The following RAP2A variants were observed in gnomAD, a reference collection of about 807,000 sequenced individuals.
RAP2A encodes the protein ras-related protein Rap-2a.
Under a neutral mutation model 15.1 loss-of-function variants are expected in RAP2A, and 5 were observed. The observed-to-expected ratio is 0.33, with a 90% CI of 0.17 to 0.70. The LOEUF (loss-of-function observed/expected upper bound fraction) is 0.70. RAP2A is among the 30% of genes least tolerant of loss of function. The pLI is 0.68. For missense variants in RAP2A, 111 were observed against 240.3 expected (o/e 0.46, Z 3.56); for synonymous variants, 110 against 99.7 (o/e 1.10, Z -0.62).
At chr13:97,447,128 C>T (rs2066683120) in intron 1 of RAP2A, among the ~76,000 whole-genome samples, 1 of 152,086 alleles carries the variant, frequency 6.6e-6, no homozygotes, top group Non-Finnish European at 1.5e-5. Flanking sequence ...AAAATAACAG[C>T]AAATTTATGG....
chr13:97,451,751 T>A (rs767902577), intron 1 of RAP2A, among the ~76,000 whole-genome samples: 2 of 149,244 alleles, frequency 1.3e-5, no homozygotes, highest in African/African-American at 2.5e-5. Flanking sequence ...TTCAAAGTAG[T>A]TGTAAACAGC....
intron 1 of RAP2A, among the ~76,000 whole-genome samples, chr13:97,452,926 A>G (rs1307401151): frequency 6.6e-6 from 1 of 150,960 alleles, no homozygotes; most frequent in East Asian, 1.9e-4. Flanking sequence ...TTTTAAATGG[A>G]TTTTCTAATT....
chr13:97,442,452 T>C (rs2066662120), intron 1 of RAP2A, among the ~76,000 whole-genome samples: 1 of 152,240 alleles, frequency 6.6e-6, no homozygotes, highest in African/African-American at 2.4e-5. Context: ...ACTATCTCTA[T>C]TTTTATAGAT....
intron 1 of RAP2A, 117 bp downstream of exon 1, chr13:97,434,901 A>G: frequency 1.4e-6 from 2 of 1,387,006 alleles, no homozygotes; most frequent in Non-Finnish European, 1.9e-6. Flanking sequence ...TCCAAGCTGG[A>G]GGCTTTACTA....
chr13:97,458,302 A>G (rs552306133), intron 1 of RAP2A, among the ~76,000 whole-genome samples: 2 of 152,338 alleles, frequency 1.3e-5, no homozygotes, highest in South Asian at 4.1e-4. Flanking sequence ...AGATACCAGC[A>G]TGTTAAAATT....
intron 1 of RAP2A, among the ~76,000 whole-genome samples, chr13:97,450,570 T>C (rs2153179742): frequency 6.6e-6 from 1 of 152,240 alleles, no homozygotes; most frequent in African/African-American, 2.4e-5. Flanking sequence ...TTTATTAAAA[T>C]GTACACTCTA....
intron 1 of RAP2A, among the ~76,000 whole-genome samples, chr13:97,436,898 A>G (rs1430796509): frequency 6.6e-6 from 1 of 152,202 alleles, no homozygotes; most frequent in Non-Finnish European, 1.5e-5. Context: ...ATATGGTAGT[A>G]GTAAGGTATT....
chr13:97,461,680 C>T (rs9300413), intron 1 of RAP2A, among the ~76,000 whole-genome samples: 6,289 of 152,126 alleles, frequency 0.041, 204 homozygotes, highest in African/African-American at 0.087. Context: ...AAACATGATA[C>T]AGGCTGGGTG....
intron 1 of RAP2A, among the ~76,000 whole-genome samples, chr13:97,440,385 T>C (rs1161745999): frequency 6.6e-6 from 1 of 152,056 alleles, no homozygotes; most frequent in East Asian, 1.9e-4. Context: ...GGACTGATGG[T>C]GAAACCTCTA....
intron 1 of RAP2A, among the ~76,000 whole-genome samples, chr13:97,455,995 C>G (rs776648312): frequency 5.3e-5 from 8 of 151,426 alleles, no homozygotes; most frequent in Non-Finnish European, 1.2e-4. Context: ...CTCCCACTCT[C>G]TTCGGGACTG....
chr13:97,444,775 T>A (rs746621570), intron 1 of RAP2A, among the ~76,000 whole-genome samples: 1 of 152,226 alleles, frequency 6.6e-6, no homozygotes, highest in Non-Finnish European at 1.5e-5. Flanking sequence ...AGGAAGTTTT[T>A]ATTCATTTTA....
intron 1 of RAP2A, among the ~76,000 whole-genome samples, chr13:97,463,358 A>G (rs2066756495): frequency 6.6e-6 from 1 of 152,166 alleles, no homozygotes; most frequent in African/African-American, 2.4e-5. Flanking sequence ...CTTATCACTT[A>G]CTATTTTTAT....
Position 97,434,722 on chromosome 13 carries a change from C to T in RAP2A, c.252C>T (p.Leu84=), listed in dbSNP as rs1330934515. The change falls in exon 1 of 2, where the codon CTC becomes CTT. Residue 84 remains leucine (L), a synonymous_variant. Transcript: ENST00000245304. ...AGGGCTTCATCCTCGTCTACAGCCTCGTCAACCAGCAGAGCTTCCAGGACA... is the reference window on the plus strand; with the variant it reads ...AGGGCTTCATCCTCGTCTACAGCCTTGTCAACCAGCAGAGCTTCCAGGACA... ...NGQGFILVYS[L]VNQQSFQDIK... 1.1e-5 allele frequency: 17 copies of T among 1,614,178 alleles called. No homozygotes were observed. Among genetic ancestry groups the T allele is most frequent in the East Asian group, 2.2e-5 (1 of 44,868 alleles).
At position 97,463,662 on chromosome 13, in the gene RAP2A, T is replaced by C. The variant is rs779279868; in HGVS notation, c.315-543T>C. Among the ~76,000 whole-genome samples, 81 of 152,214 alleles carry C rather than the reference T, an allele frequency of 5.3e-4. 1 individual carries two copies. The highest frequency in any genetic ancestry group is 1.0e-3 in the Non-Finnish European group (68 of 68,032). The stretch of plus-strand genomic sequence containing the variant: ...TGGAGTGCGGTGGCACGATCTCAGC[T>C]CACTGCAACCTCTGCCTCCCAGGTT... On this transcript the variant is annotated intron_variant, in intron 1 of 1. Transcript: ENST00000245304.
Position 97,465,263 on chromosome 13 carries a change from T to A in RAP2A, c.*821T>A, listed in dbSNP as rs971496125. On this transcript the variant is annotated 3_prime_UTR_variant, in exon 2 of 2. Coordinates refer to ENST00000245304, the MANE Select transcript of RAP2A (RefSeq NM_021033.7). ...GGAAGCAACTGTGATGGGAAGAGATTACCTAGCCTTACTAACAAGAAGCAT... is the reference window on the plus strand; with the variant it reads ...GGAAGCAACTGTGATGGGAAGAGATAACCTAGCCTTACTAACAAGAAGCAT... 2.0e-5 allele frequency: 3 copies of A among 152,632 alleles called. No homozygotes were observed. The highest frequency in any genetic ancestry group is 7.2e-5 in the African/African-American group (3 of 41,448). The allele number at this position is 152,632 out of a possible 1,614,324, so 9.5% of individuals were successfully genotyped here.
At chr13:97,456,333 G>A (rs2066722951) in intron 1 of RAP2A, among the ~76,000 whole-genome samples, 3 of 145,910 alleles carry the variant, frequency 2.1e-5, no homozygotes, top group Admixed American at 6.7e-5. Context: ...TTCTTCAGGC[G>A]TTGGTTCTCT....
chr13:97,458,365 T>TA (rs1397498285), intron 1 of RAP2A, among the ~76,000 whole-genome samples: 2 of 152,116 alleles, frequency 1.3e-5, no homozygotes, highest in Admixed American at 6.5e-5. Flanking sequence ...CCCTCAAAAG[T>TA]AAAGTACAGA....
At chr13:97,444,985 G>A (rs2066673736) in intron 1 of RAP2A, among the ~76,000 whole-genome samples, 1 of 152,146 alleles carries the variant, frequency 6.6e-6, no homozygotes, top group South Asian at 2.1e-4. Context: ...CAAAATTCGT[G>A]TCACAAATGG....
At position 97,434,308 on chromosome 13, in the gene RAP2A, TGCCGCCGCCGCC is replaced by T. The variant is rs1162266985; in HGVS notation, c.-158_-147del. 6.7e-6 allele frequency: 2 copies of T among 298,504 alleles called. No individual in the cohort carries two copies. The highest frequency in any genetic ancestry group is 9.4e-6 in the Non-Finnish European group (2 of 212,498). 18.5% of individuals were successfully genotyped at this position (298,504 alleles called of 1,614,324 possible). A position where few individuals can be genotyped will look rare whatever the true frequency, so the allele number is the denominator to read the frequency against. ...TGCCCAGGGCCGCTGCTCCCTCAGTTGCCGCCGCCGCCGCCGGCGCCCAGGGGGCCGCCGCGG... is the reference window on the plus strand; with the variant it reads ...TGCCCAGGGCCGCTGCTCCCTCAGTTGCCGGCGCCCAGGGGGCCGCCGCGG... On this transcript the variant is annotated 5_prime_UTR_variant, in exon 1 of 2. Coordinates refer to ENST00000245304, the MANE Select transcript of RAP2A (RefSeq NM_021033.7).
Sources: gnomAD v4.1 joint callset for allele counts (sites outside exome capture counted in the v4.1 genomes callset) on GRCh38, gnomAD v4.1.1 for gene constraint, MANE v1.5 for transcripts, NCBI Gene and HGNC (gene_info 2026-07-23, HGNC 2026-07-21) for gene names.